Variants in ZFAT observed in about 807,000 individuals in gnomAD.
ZFAT encodes zinc finger and AT-hook domain containing.
Under a neutral mutation model 117.7 loss-of-function variants are expected in ZFAT, and 64 were observed. The ratio of observed to expected loss-of-function variants is 0.54; its 90% CI spans 0.44 to 0.67. The LOEUF (loss-of-function observed/expected upper bound fraction) is 0.67. Among genes scored for constraint, ZFAT ranks in the 30% least tolerant of loss-of-function variants. The pLI is 0.00. For synonymous variants in ZFAT, 679 were observed against 615.0 expected, an observed-to-expected ratio of 1.10 and a Z score of -1.54; for missense variants, 1,433 against 1,584.5, an observed-to-expected ratio of 0.90 and a Z score of 1.62.
chr8:134,667,423 G>A (rs1832284088), intron 1 of ZFAT, among the ~76,000 whole-genome samples: 1 of 150,770 alleles, frequency 6.6e-6, no homozygotes, highest in African/African-American at 2.4e-5. Context: ...AACCCGGGAG[G>A]TGGAGGTTGC....
intron 11 of ZFAT, among the ~76,000 whole-genome samples, chr8:134,552,891 C>A (rs763063916): frequency 6.6e-6 from 1 of 152,226 alleles, no homozygotes; most frequent in Non-Finnish European, 1.5e-5. Flanking sequence ...CATTCACACA[C>A]CAAATTTTGA....
chr8:134,596,703 T>G (rs1287340208), intron 7 of ZFAT, among the ~76,000 whole-genome samples: 1 of 152,194 alleles, frequency 6.6e-6, no homozygotes, highest in Non-Finnish European at 1.5e-5. Context: ...TGGAATATTA[T>G]TCAGCTGTAA....
intron 8 of ZFAT, among the ~76,000 whole-genome samples, chr8:134,589,575 C>T (rs928064208): frequency 2.0e-5 from 3 of 152,214 alleles, no homozygotes; most frequent in South Asian, 2.1e-4. Context: ...GGATAAGCCC[C>T]GACTCAGGGA....
Position 134,484,229 on chromosome 8 carries a change from C to T in ZFAT, c.3493-5508G>A, listed in dbSNP as rs115945424. Among the ~76,000 whole-genome samples the T allele has an allele frequency of 8.1e-3, 1,227 of 152,304 alleles. 20 individuals are homozygous for T. The highest frequency in any genetic ancestry group is 0.028 in the African/African-American group (1,167 of 41,562). On this transcript the variant is annotated intron_variant, in intron 15 of 15. Transcript: ENST00000377838. ...ATCTCCCCAGAAGCAAGCACAGCAC[C>T]GGCTCCTCTGTGCCCAGTCCAGTGC... is the stretch of plus-strand genomic sequence containing the variant.
At chr8:134,768,087 G>A in the ZFAT span, among the ~76,000 whole-genome samples, 1 of 152,106 alleles carries the variant, frequency 6.6e-6, no homozygotes, top group Non-Finnish European at 1.5e-5. Flanking sequence ...ACTGCACTTT[G>A]GAGATACTGT....
the ZFAT span, among the ~76,000 whole-genome samples, chr8:134,745,587 GC>G: frequency 6.6e-6 from 1 of 152,196 alleles, no homozygotes; most frequent in African/African-American, 2.4e-5. Context: ...AGCAAAAAGT[GC>G]CGTGGACTCC....
the ZFAT span, among the ~76,000 whole-genome samples, chr8:134,734,253 C>T: frequency 6.6e-6 from 1 of 152,238 alleles, no homozygotes; most frequent in Non-Finnish European, 1.5e-5. Flanking sequence ...TTCACAACCT[C>T]AGGATACTCC....
intron 1 of ZFAT, among the ~76,000 whole-genome samples, chr8:134,711,714 C>T (rs906929768): frequency 6.6e-6 from 1 of 152,226 alleles, no homozygotes; most frequent in Non-Finnish European, 1.5e-5. Flanking sequence ...CTCTGTCACT[C>T]CAGGACACAT....
At chr8:134,755,343 G>A in the ZFAT span, among the ~76,000 whole-genome samples, 2 of 150,902 alleles carry the variant, frequency 1.3e-5, no homozygotes, top group African/African-American at 4.9e-5. Flanking sequence ...AACCTGGGAG[G>A]TGGAGGTTGC....
chr8:134,635,571 G>A (rs184860742), intron 3 of ZFAT, among the ~76,000 whole-genome samples: 104 of 152,210 alleles, frequency 6.8e-4, no homozygotes, highest in Non-Finnish European at 9.9e-4. Flanking sequence ...TAGCTGTGCC[G>A]GAGCAGGGGG....
At chr8:134,616,569 G>A (rs986354829) in intron 3 of ZFAT, among the ~76,000 whole-genome samples, 1 of 152,168 alleles carries the variant, frequency 6.6e-6, no homozygotes, top group South Asian at 2.1e-4. Flanking sequence ...ATAGTCTCCT[G>A]CTTCCTCTGA....
At chr8:134,518,252 T>C (rs1035017141) in intron 13 of ZFAT, among the ~76,000 whole-genome samples, 1 of 152,232 alleles carries the variant, frequency 6.6e-6, no homozygotes, top group African/African-American at 2.4e-5. Context: ...TATGTCAGTA[T>C]GGACACAGTG....
At chr8:134,782,994 C>T in the ZFAT span, among the ~76,000 whole-genome samples, 2 of 151,972 alleles carry the variant, frequency 1.3e-5, no homozygotes, top group African/African-American at 4.8e-5. Flanking sequence ...TATATATACA[C>T]ACACACACAT....
chr8:134,701,707 G>T (rs1834011821), intron 1 of ZFAT, among the ~76,000 whole-genome samples: 1 of 152,188 alleles, frequency 6.6e-6, no homozygotes, highest in Non-Finnish European at 1.5e-5. Flanking sequence ...ACGACCTTGA[G>T]ATTAGTCCAG....
chr8:134,827,205 C>A, the ZFAT span, among the ~76,000 whole-genome samples: 1 of 152,148 alleles, frequency 6.6e-6, no homozygotes, highest in African/African-American at 2.4e-5. Context: ...GCGTGTGCCA[C>A]CACATCCAGC....
At chr8:134,605,566 A>G (rs1017261786) in intron 5 of ZFAT, among the ~76,000 whole-genome samples, 16 of 151,958 alleles carry the variant, frequency 1.1e-4, no homozygotes, top group Non-Finnish European at 1.5e-4. Flanking sequence ...AAAAAAAAAA[A>G]AAAGAAAGAA....
intron 12 of ZFAT, among the ~76,000 whole-genome samples, chr8:134,531,387 T>C (rs113135420): frequency 6.6e-6 from 1 of 152,216 alleles, no homozygotes; most frequent in African/African-American, 2.4e-5. Context: ...CCTCTGTGAT[T>C]CCTGGACATG....
At chr8:134,574,085 C>A (rs375296878) in intron 10 of ZFAT, among the ~76,000 whole-genome samples, 1 of 152,204 alleles carries the variant, frequency 6.6e-6, no homozygotes, top group African/African-American at 2.4e-5. Context: ...ACCAAACCTA[C>A]GAGAGTTCGA....
chr8:134,665,844 C>A lies in ZFAT; in HGVS notation c.20-8107G>T, dbSNP rs1285119310. Among the ~76,000 whole-genome samples, 3 of 152,308 alleles carry A rather than the reference C, an allele frequency of 2.0e-5. No individual in the cohort carries two copies. In the South Asian group the frequency reaches 6.2e-4, roughly 32 times the overall value. ...GGGTCTCCAGAGCCCTGTGCCCCTC[C>A]ATACCCCTCTGCCTCCCCTGAGGTC... On this transcript the variant is annotated intron_variant, in intron 1 of 15. Transcript: ENST00000377838.
Sources: gnomAD v4.1 joint callset for allele counts (sites outside exome capture counted in the v4.1 genomes callset) on GRCh38, gnomAD v4.1.1 for gene constraint, MANE v1.5 for transcripts, NCBI Gene and HGNC (gene_info 2026-07-23, HGNC 2026-07-21) for gene names.